SCN1A: variants seen among roughly 807,000 people sequenced by gnomAD.
SCN1A encodes sodium voltage-gated channel alpha subunit 1, also known as sodium channel protein type 1 subunit alpha.
In SCN1A, 13 loss-of-function variants were observed where a neutral mutation model predicts 193.7. The observed-to-expected ratio is 0.07, with a 90% CI of 0.04 to 0.11. The LOEUF (loss-of-function observed/expected upper bound fraction) is 0.11, where lower values mean the gene tolerates loss of function less well. SCN1A is among the 10% of genes least tolerant of loss of function. The pLI, the probability that SCN1A is intolerant of heterozygous loss-of-function variation, is 1.00. For synonymous variants in SCN1A, 781 were observed against 843.6 expected (o/e 0.93, Z 1.29); for missense variants, 1,432 against 2,451.1 (o/e 0.58, Z 8.78).
chr2:166,027,579 T>A (rs1480562243), intron 19 of SCN1A, among the ~76,000 whole-genome samples: 1 of 151,380 alleles, frequency 6.6e-6, no homozygotes, highest in African/African-American at 2.4e-5. Context: ...TATTTGTATA[T>A]GTATATATGT....
chr2:166,113,824 C>A (rs1052869881), intron 2 of SCN1A, among the ~76,000 whole-genome samples: 4 of 152,010 alleles, frequency 2.6e-5, no homozygotes, highest in Admixed American at 1.3e-4. Context: ...CACCAAAATG[C>A]AATATATCAA....
At chr2:166,112,266 A>G (rs1425527641) in intron 2 of SCN1A, among the ~76,000 whole-genome samples, 1 of 152,200 alleles carries the variant, frequency 6.6e-6, no homozygotes. Context: ...CACCCTGATC[A>G]GTCAGCATCC....
intron 16 of SCN1A, 104 bp from the exon 17 acceptor site, chr2:166,039,700 C>G (rs1696903836): frequency 1.0e-6 from 1 of 967,840 alleles, no homozygotes; most frequent in Non-Finnish European, 1.6e-6. Context: ...CACAATGATT[C>G]TATTACTAAC....
intron 2 of SCN1A, among the ~76,000 whole-genome samples, chr2:166,082,318 A>G (rs1685615745): frequency 1.3e-5 from 2 of 152,066 alleles, no homozygotes; most frequent in Admixed American, 6.6e-5. Context: ...TGGGACTTAA[A>G]TCAGAACTTT....
Position 166,067,701 on chromosome 2 carries a change from T to A in SCN1A, c.264+5657A>T, listed in dbSNP as rs2105955396. 4.0e-5 allele frequency among the ~76,000 whole-genome samples: 3 copies of A among 74,738 alleles called. 1 individual carries two copies. The South Asian group carries it at 1.3e-3, about 32-fold the overall frequency. The allele number at this position is 74,738 out of a possible 152,430, so 49.0% of individuals were successfully genotyped here. ...ATATATAGCATGTAGAGTACATAGCTTTTTTTTTTTTTTTTGCCTGCTTAG... is the reference window on the plus strand; with the variant it reads ...ATATATAGCATGTAGAGTACATAGCATTTTTTTTTTTTTTTGCCTGCTTAG... On this transcript the variant is annotated intron_variant, in intron 4 of 28. Coordinates refer to ENST00000674923, the MANE Select transcript of SCN1A (RefSeq NM_001165963.4).
At position 166,043,901 on chromosome 2, in the gene SCN1A, C is replaced by T. The variant is rs121918769; in HGVS notation, c.1811G>A (p.Arg604His). The T allele has an allele frequency of 1.2e-3, 1,987 of 1,614,170 alleles. 10 individuals carry two copies. Among genetic ancestry groups the T allele is most frequent in the South Asian group, 5.5e-3 (502 of 91,080 alleles). Residue 604 changes from arginine (R) to histidine (H), a missense_variant, in exon 14 of 29, where the codon CGT (arginine) becomes CAT (histidine). By Grantham distance (29) the Arg-to-His change is conservative (BLOSUM62 0). Coordinates refer to ENST00000674923, the MANE Select transcript of SCN1A (RefSeq NM_001165963.4). ...TCGGGGCACAAACAAGGAATCTCTA[C>T]GGCTCTCGTTATCCTCAAAGGTGCT... ...EHSTFEDNES[R>H]RDSLFVPRRH...
chr2:166,036,202 A>T lies in SCN1A; in HGVS notation c.3275T>A (p.Val1092Asp). ...TTSGIGTGSS[V>D]EKYIIDESDY... The stretch of plus-strand genomic sequence containing the variant: ...ACTTTCATCAATAATGTATTTTTCA[A>T]CACTGCTGCCAGTTCCTATACCACT... Residue 1092 changes from valine (V) to aspartate (D), a missense_variant, in exon 19 of 29, where the codon GTT becomes GAT. Physicochemically the swap from Val to Asp is radical, Grantham distance 152. This residue lies in a region of SCN1A where 198 missense variants were observed against 225.8 expected (regional missense o/e 0.88). Coordinates refer to ENST00000674923, the MANE Select transcript of SCN1A (RefSeq NM_001165963.4). 6.2e-7 allele frequency: 1 copy of T among 1,614,006 alleles called. No homozygotes were observed. The highest frequency in any genetic ancestry group is 1.1e-5 in the South Asian group (1 of 91,082).
intron 2 of SCN1A, among the ~76,000 whole-genome samples, chr2:166,106,137 A>G (rs1436482250): frequency 6.6e-6 from 1 of 152,246 alleles, no homozygotes; most frequent in Non-Finnish European, 1.5e-5. Flanking sequence ...CAGTGAGCCC[A>G]GATTGCGCCA....
intron 1 of SCN1A, among the ~76,000 whole-genome samples, chr2:166,140,829 G>A (rs10194655): frequency 0.39 from 59,337 of 151,798 alleles, 11,891 homozygotes; most frequent in South Asian, 0.47. Flanking sequence ...GTGAAGACAC[G>A]GACCGCGCAA....
intron 4 of SCN1A, among the ~76,000 whole-genome samples, chr2:166,063,458 G>A (rs1045804710): frequency 1.3e-5 from 2 of 152,016 alleles, no homozygotes; most frequent in Non-Finnish European, 1.5e-5. Context: ...TCAATTGATG[G>A]CAATTCAGAA....
At chr2:166,043,215 G>C (rs903991654) in intron 14 of SCN1A, among the ~76,000 whole-genome samples, 1 of 152,170 alleles carries the variant, frequency 6.6e-6, no homozygotes, top group Non-Finnish European at 1.5e-5. Context: ...TGAGTACTAG[G>C]AGTATTAAGG....
rs1193504255 is a variant in SCN1A at position 165,988,818 on chromosome 2, T to C, written c.*2427A>G. 6.6e-6 allele frequency: 1 copy of C among 152,058 alleles called. No individual in the cohort carries two copies. The highest frequency in any genetic ancestry group is 1.5e-5 in the Non-Finnish European group (1 of 68,034). 9.4% of individuals were successfully genotyped at this position (152,058 alleles called of 1,614,324 possible). A position where few individuals can be genotyped will look rare whatever the true frequency, so the allele number is the denominator to read the frequency against. On this transcript the variant is annotated 3_prime_UTR_variant, in exon 29 of 29. Transcript: ENST00000674923. ...GCAATTCTAAATTTTTAAATGATGA[T>C]TTAAGGGTTTCTTTTCATAGCTCAA...
chr2:166,124,611 T>C (rs1320214768), intron 2 of SCN1A, among the ~76,000 whole-genome samples: 1 of 152,102 alleles, frequency 6.6e-6, no homozygotes, highest in Non-Finnish European at 1.5e-5. Flanking sequence ...TAAACCAAAC[T>C]GTTTTTGGAA....
At chr2:165,999,117 C>T (rs1690476803) in intron 25 of SCN1A, 1 of 151,436 alleles carries the variant, frequency 6.6e-6, no homozygotes, top group South Asian at 2.1e-4. Context: ...CTGAAAGAGG[C>T]TGAAATCAAA....
At chr2:166,119,712 A>G (rs989090301) in intron 2 of SCN1A, among the ~76,000 whole-genome samples, 15 of 152,166 alleles carry the variant, frequency 9.9e-5, no homozygotes, top group Non-Finnish European at 1.6e-4. Context: ...AAATTTTCAA[A>G]ATACTGTACT....
At chr2:166,129,918 AGC>A, upstream of SCN1A, among the ~76,000 whole-genome samples, 1 of 152,096 alleles carries the variant, frequency 6.6e-6, no homozygotes, top group Non-Finnish European at 1.5e-5. Context: ...GTATCTACGC[AGC>A]TGACCTGGTC....
chr2:166,028,826 G>A (rs1446989371), intron 19 of SCN1A, among the ~76,000 whole-genome samples: 1 of 152,042 alleles, frequency 6.6e-6, no homozygotes, highest in Non-Finnish European at 1.5e-5. Context: ...ATCTGCCCTC[G>A]TCGGTTCACA....
chr2:166,038,991 T>G (rs1360282278), intron 17 of SCN1A, among the ~76,000 whole-genome samples: 1 of 152,132 alleles, frequency 6.6e-6, no homozygotes, highest in East Asian at 1.9e-4. Context: ...CCTTTGACTT[T>G]CGCAAGATGC....
rs1156388871 is a variant in SCN1A, at chr2:166,127,940, A to ACACACAAACG, written c.-408_-399dup. 6.6e-6 allele frequency: 1 copy of ACACACAAACG among 151,704 alleles called. No homozygotes were observed. Among genetic ancestry groups the ACACACAAACG allele is most frequent in the Non-Finnish European group, 1.5e-5 (1 of 68,028 alleles). The allele number at this position is 151,704 out of a possible 1,614,324, so 9.4% of individuals were successfully genotyped here. A position where few individuals can be genotyped will look rare whatever the true frequency, so the allele number is the denominator to read the frequency against. Reference sequence around the variant, plus strand: ...GGGCAGAACACACAGACACACAAACACACACAAACGCACACATACACACAT... The same window carrying ACACACAAACG: ...GGGCAGAACACACAGACACACAAACACACACAAACGCACACAAACGCACACATACACACAT... On this transcript the variant is annotated 5_prime_UTR_variant, in exon 1 of 29. It removes the in-frame stop codon of an upstream open reading frame in the 5' UTR. Coordinates refer to ENST00000674923, the MANE Select transcript of SCN1A (RefSeq NM_001165963.4).
Sources: gnomAD v4.1 joint callset for allele counts (sites outside exome capture counted in the v4.1 genomes callset) on GRCh38, gnomAD v4.1.1 for gene constraint, gnomAD v4.1.1 regional missense constraint, MANE v1.5 for transcripts, NCBI Gene and HGNC (gene_info 2026-07-23, HGNC 2026-07-21) for gene names.